The following ANKS1B variants were observed in gnomAD, a reference collection of about 807,000 sequenced individuals.
The protein encoded by ANKS1B is ankyrin repeat and sterile alpha motif domain-containing protein 1B.
In ANKS1B, 36 loss-of-function variants were observed where a neutral mutation model predicts 148.3. That is an observed-to-expected ratio of 0.24 (90% CI 0.19 to 0.32). The LOEUF (loss-of-function observed/expected upper bound fraction) is 0.32. Ranked by LOEUF, ANKS1B falls within the 10% of genes least tolerant of loss-of-function variation. ANKS1B has a pLI of 1.00. For synonymous variants in ANKS1B, 542 were observed against 560.8 expected, an observed-to-expected ratio of 0.97 and a Z score of 0.47; for missense variants, 1,157 against 1,542.6, an observed-to-expected ratio of 0.75 and a Z score of 4.19.
chr12:99,594,147 T>C (rs1376545009), intron 9 of ANKS1B, among the ~76,000 whole-genome samples: 1 of 152,070 alleles, frequency 6.6e-6, no homozygotes, highest in Non-Finnish European at 1.5e-5. Context: ...AATTAACCAA[T>C]AACTGTGAAG....
intron 9 of ANKS1B, among the ~76,000 whole-genome samples, chr12:99,602,861 T>C (rs1011928419): frequency 3.3e-5 from 5 of 152,096 alleles, no homozygotes; most frequent in African/African-American, 1.2e-4. Flanking sequence ...ATATGGACCC[T>C]CAAAAACAAT....
intron 8 of ANKS1B, among the ~76,000 whole-genome samples, chr12:99,676,499 T>G (rs1223700463): frequency 6.6e-6 from 1 of 152,228 alleles, no homozygotes; most frequent in African/African-American, 2.4e-5. Flanking sequence ...TTCATCAGAA[T>G]GCAGAGGCAA....
At chr12:99,779,268 A>T (rs1460371589) in intron 6 of ANKS1B, among the ~76,000 whole-genome samples, 1 of 152,240 alleles carries the variant, frequency 6.6e-6, no homozygotes, top group East Asian at 1.9e-4. Flanking sequence ...TAAGGCTGGT[A>T]AGACTGAGTT....
In ANKS1B at chr12:99,787,901, C is replaced by T. The variant is rs544242820; in HGVS notation, c.670-5804G>A. On this transcript the variant is annotated intron_variant, in intron 4 of 26. Transcript: ENST00000683438. ...TGGACAATAAAGCTGTGTGGGGTTC[C>T]GCCAGTGCCCACACATTGAGGGGAC... Among the ~76,000 whole-genome samples the T allele has an allele frequency of 3.7e-4, 57 of 152,260 alleles. 1 individual carries two copies. The South Asian group carries it at 8.5e-3, about 23-fold the overall frequency.
intron 17 of ANKS1B, among the ~76,000 whole-genome samples, chr12:98,979,326 G>A (rs1277034928): frequency 6.6e-6 from 1 of 151,010 alleles, no homozygotes; most frequent in African/African-American, 2.4e-5. Flanking sequence ...GGAGTGCAGT[G>A]GCGCAATCTT....
chr12:99,397,760 T>C (rs971042713), intron 12 of ANKS1B, among the ~76,000 whole-genome samples: 1 of 152,124 alleles, frequency 6.6e-6, no homozygotes, highest in Non-Finnish European at 1.5e-5. Flanking sequence ...TCCTGACACA[T>C]AGTGTCATTT....
chr12:99,881,690 AAT>A (rs2092506808), intron 1 of ANKS1B, among the ~76,000 whole-genome samples: 1 of 152,204 alleles, frequency 6.6e-6, no homozygotes, highest in African/African-American at 2.4e-5. Context: ...CTTGGTTGCA[AAT>A]ATGTGGGACA....
At chr12:99,223,894 G>A (rs1329539065) in intron 14 of ANKS1B, among the ~76,000 whole-genome samples, 4 of 152,182 alleles carry the variant, frequency 2.6e-5, no homozygotes, top group Non-Finnish European at 5.9e-5. Context: ...CAAGTGTGCT[G>A]TATTTCTGCA....
intron 10 of ANKS1B, among the ~76,000 whole-genome samples, chr12:99,482,813 T>C (rs1343853711): frequency 6.6e-6 from 1 of 151,960 alleles, no homozygotes; most frequent in Non-Finnish European, 1.5e-5. Flanking sequence ...CTCAGTGTGA[T>C]CATTGTTGGT....
intron 12 of ANKS1B, among the ~76,000 whole-genome samples, chr12:99,249,379 A>G (rs2074280584): frequency 6.6e-6 from 1 of 152,218 alleles, no homozygotes; most frequent in South Asian, 2.1e-4. Flanking sequence ...TAGTTTGACT[A>G]CAATGACTAT....
chr12:99,637,950 G>A (rs1688341977), intron 9 of ANKS1B, among the ~76,000 whole-genome samples: 1 of 151,896 alleles, frequency 6.6e-6, no homozygotes, highest in African/African-American at 2.4e-5. Flanking sequence ...GAGGGACCTG[G>A]TGGGAGGTAA....
chr12:99,884,878 A>C (rs954714229), intron 1 of ANKS1B, among the ~76,000 whole-genome samples: 1 of 152,106 alleles, frequency 6.6e-6, no homozygotes, highest in Non-Finnish European at 1.5e-5. Flanking sequence ...AAAAACAGTA[A>C]ATTTTATTGC....
chr12:99,689,802 G>T (rs1205347494), intron 8 of ANKS1B, among the ~76,000 whole-genome samples: 5 of 152,116 alleles, frequency 3.3e-5, no homozygotes, highest in Non-Finnish European at 7.4e-5. Context: ...CCTCAGAAGT[G>T]AATTTAACCA....
intron 9 of ANKS1B, among the ~76,000 whole-genome samples, chr12:99,542,688 A>G (rs888936115): frequency 3.9e-5 from 6 of 152,158 alleles, no homozygotes; most frequent in Non-Finnish European, 2.9e-5. Flanking sequence ...CTACAATAAT[A>G]AAGACAGTGT....
intron 12 of ANKS1B, among the ~76,000 whole-genome samples, chr12:99,270,242 T>C (rs549727089): frequency 1.3e-5 from 2 of 152,294 alleles, no homozygotes; most frequent in South Asian, 4.1e-4. Flanking sequence ...TTTCTAAAAT[T>C]GAAATGCTTT....
intron 1 of ANKS1B, among the ~76,000 whole-genome samples, chr12:99,827,297 A>G (rs924309369): frequency 6.6e-6 from 1 of 152,200 alleles, no homozygotes; most frequent in African/African-American, 2.4e-5. Context: ...AATAAGCCAG[A>G]CACAAAAAGA....
At chr12:99,382,040 G>T (rs1308673415) in intron 12 of ANKS1B, among the ~76,000 whole-genome samples, 1 of 152,126 alleles carries the variant, frequency 6.6e-6, no homozygotes, top group East Asian at 1.9e-4. Context: ...TTACAAAGAG[G>T]GAAATTATAG....
At position 98,807,575 on chromosome 12, in the gene ANKS1B, C is replaced by T. The variant is rs549936054; in HGVS notation, c.3141+269G>A. ...CCTGTAAAAGCAAGTTTAACACAGA[C>T]GCCTGGAATGAAAGCCAAAACTCAC... On this transcript the variant is annotated intron_variant, in intron 20 of 26. Transcript: ENST00000683438. 1.6e-4 allele frequency among the ~76,000 whole-genome samples: 24 copies of T among 152,158 alleles called. No individual in the cohort carries two copies. In the South Asian group the frequency reaches 1.7e-3, roughly 11 times the overall value.
intron 17 of ANKS1B, among the ~76,000 whole-genome samples, chr12:98,860,866 G>A (rs1295713358): frequency 6.6e-6 from 1 of 152,058 alleles, no homozygotes; most frequent in Non-Finnish European, 1.5e-5. Flanking sequence ...CGGGTATCCT[G>A]GAACTTAAAC....
Sources: gnomAD v4.1 joint callset for allele counts (sites outside exome capture counted in the v4.1 genomes callset) on GRCh38, gnomAD v4.1.1 for gene constraint, MANE v1.5 for transcripts, NCBI Gene and HGNC (gene_info 2026-07-23, HGNC 2026-07-21) for gene names.